The following CDH13 variants were observed in gnomAD, a reference collection of about 807,000 sequenced individuals.
The protein encoded by CDH13 is cadherin 13.
In CDH13, 24 loss-of-function variants were observed where a neutral mutation model predicts 63.8. That is an observed-to-expected ratio of 0.38 (90% CI 0.27 to 0.53). CDH13 has a LOEUF of 0.53. Ranked by LOEUF, CDH13 falls within the 20% of genes least tolerant of loss-of-function variation. The probability of loss-of-function intolerance (pLI) is 0.85; values close to 1 mark genes in which losing one functional copy is unlikely to be tolerated. For synonymous variants in CDH13, 503 were observed against 355.3 expected (o/e 1.42, Z -4.67); for missense variants, 1,049 against 903.1 (o/e 1.16, Z -2.07).
chr16:83,456,209 TG>T (rs554756247), intron 6 of CDH13, among the ~76,000 whole-genome samples: 3 of 152,230 alleles, frequency 2.0e-5, no homozygotes, highest in Non-Finnish European at 2.9e-5. Flanking sequence ...TTCCCTGCTC[TG>T]GAGATAGTGC....
At chr16:83,548,921 C>T (rs2075438382) in intron 7 of CDH13, among the ~76,000 whole-genome samples, 1 of 152,180 alleles carries the variant, frequency 6.6e-6, no homozygotes. Flanking sequence ...AGTAGAATTT[C>T]ATCTGAGTAT....
intron 1 of CDH13, among the ~76,000 whole-genome samples, chr16:82,778,622 G>T (rs144939410): frequency 7.6e-4 from 108 of 141,884 alleles, no homozygotes; most frequent in African/African-American, 2.7e-3. Flanking sequence ...TCACTACACA[G>T]CATTTATTAG....
intron 1 of CDH13, among the ~76,000 whole-genome samples, chr16:82,710,538 A>AC (rs1265116163): frequency 5.7e-5 from 5 of 87,474 alleles, no homozygotes; most frequent in East Asian, 3.0e-4. Context: ...GTCTCAAAAA[A>AC]AAAAAAAAAA....
Position 82,653,150 on chromosome 16 carries a change from T to C in CDH13, c.45+26013T>C, listed in dbSNP as rs75349379. Reference sequence around the variant, plus strand: ...TTAATTTACCTTTGATAGATACTTATTGAACGGTTTTTCCAAGTGTCTGTG... The same window carrying C: ...TTAATTTACCTTTGATAGATACTTACTGAACGGTTTTTCCAAGTGTCTGTG... On this transcript the variant is annotated intron_variant, in intron 1 of 13. Coordinates refer to ENST00000567109, the MANE Select transcript of CDH13 (RefSeq NM_001257.5). Among the ~76,000 whole-genome samples, 862 of 152,292 alleles carry C rather than the reference T, an allele frequency of 5.7e-3. 4 individuals are homozygous for C. Among genetic ancestry groups the C allele is most frequent in the Non-Finnish European group, 9.4e-3 (638 of 68,028 alleles).
intron 2 of CDH13, among the ~76,000 whole-genome samples, chr16:82,944,349 T>C (rs1597263754): frequency 6.6e-6 from 1 of 152,202 alleles, no homozygotes; most frequent in East Asian, 1.9e-4. Flanking sequence ...CGATACTGTG[T>C]GTCTGTAGTG....
chr16:83,145,245 G>T (rs1308232293), intron 4 of CDH13, among the ~76,000 whole-genome samples: 3 of 152,164 alleles, frequency 2.0e-5, no homozygotes, highest in Admixed American at 1.3e-4. Context: ...ACTCGGAGCA[G>T]GGGTGACACC....
chr16:82,650,797 A>C (rs888418824), intron 1 of CDH13, among the ~76,000 whole-genome samples: 1 of 152,212 alleles, frequency 6.6e-6, no homozygotes, highest in Non-Finnish European at 1.5e-5. Context: ...TTGATTTTGC[A>C]TAGTGTAGAA....
chr16:83,573,754 T>C (rs1440324558), intron 7 of CDH13, among the ~76,000 whole-genome samples: 1 of 152,224 alleles, frequency 6.6e-6, no homozygotes, highest in Non-Finnish European at 1.5e-5. Context: ...GTAGATTCTT[T>C]AATGGCAAAA....
At chr16:83,002,312 C>T (rs962675812) in intron 2 of CDH13, among the ~76,000 whole-genome samples, 11 of 152,272 alleles carry the variant, frequency 7.2e-5, no homozygotes, top group South Asian at 2.1e-4. Flanking sequence ...CATATGAATA[C>T]GGAGGCAACT....
At chr16:83,327,806 G>A (rs2090397276) in intron 5 of CDH13, among the ~76,000 whole-genome samples, 1 of 152,194 alleles carries the variant, frequency 6.6e-6, no homozygotes, top group South Asian at 2.1e-4. Flanking sequence ...TATAGGTGAG[G>A]AACCAGCAAA....
chr16:83,273,970 A>C (rs907360799), intron 5 of CDH13, among the ~76,000 whole-genome samples: 7 of 152,130 alleles, frequency 4.6e-5, no homozygotes, highest in Non-Finnish European at 8.8e-5. Flanking sequence ...GCGGCAGTGC[A>C]GGTTTTGCCT....
intron 3 of CDH13, among the ~76,000 whole-genome samples, chr16:83,069,863 A>G (rs2032306349): frequency 6.6e-6 from 1 of 152,228 alleles, no homozygotes; most frequent in Non-Finnish European, 1.5e-5. Context: ...AGAGGAAAAC[A>G]AACCATTTGA....
intron 2 of CDH13, among the ~76,000 whole-genome samples, chr16:83,009,837 G>A (rs1255004663): frequency 6.6e-6 from 1 of 152,240 alleles, no homozygotes; most frequent in Admixed American, 6.5e-5. Context: ...CAAAGATTCT[G>A]ATTAGAATGG....
chr16:83,520,662 A>C (rs1206626319), intron 7 of CDH13, among the ~76,000 whole-genome samples: 1 of 152,160 alleles, frequency 6.6e-6, no homozygotes, highest in East Asian at 1.9e-4. Flanking sequence ...GCCAATTTTG[A>C]TTACAGCTTC....
chr16:83,663,502 G>T (rs532113280), intron 8 of CDH13, among the ~76,000 whole-genome samples: 1 of 152,182 alleles, frequency 6.6e-6, no homozygotes, highest in Non-Finnish European at 1.5e-5. Context: ...ACACATGTAC[G>T]TTGTTTTCTT....
At chr16:83,165,546 G>C (rs768339131) in intron 4 of CDH13, among the ~76,000 whole-genome samples, 2 of 152,132 alleles carry the variant, frequency 1.3e-5, no homozygotes, top group Non-Finnish European at 2.9e-5. Flanking sequence ...GTGGTTGGTT[G>C]TGGAAGATGT....
intron 4 of CDH13, among the ~76,000 whole-genome samples, chr16:83,213,016 C>T (rs1464367134): frequency 1.3e-5 from 2 of 152,152 alleles, no homozygotes; most frequent in Non-Finnish European, 1.5e-5. Flanking sequence ...GGTGTTTCTT[C>T]AAAGTGAACA....
chr16:83,319,379 G>C (rs1169164170), intron 5 of CDH13, among the ~76,000 whole-genome samples: 1 of 152,146 alleles, frequency 6.6e-6, no homozygotes, highest in East Asian at 1.9e-4. Context: ...TTGAGATGCA[G>C]ACACCTAGAT....
chr16:83,231,630 T>A (rs1404432870), intron 5 of CDH13, among the ~76,000 whole-genome samples: 1 of 152,164 alleles, frequency 6.6e-6, no homozygotes, highest in African/African-American at 2.4e-5. Context: ...CACCCACTCA[T>A]TGCATATTGT....
Sources: gnomAD v4.1 joint callset for allele counts (sites outside exome capture counted in the v4.1 genomes callset) on GRCh38, gnomAD v4.1.1 for gene constraint, MANE v1.5 for transcripts, NCBI Gene and HGNC (gene_info 2026-07-23, HGNC 2026-07-21) for gene names.